ALDH3B2: variants seen among roughly 807,000 people sequenced by gnomAD.
ALDH3B2 encodes aldehyde dehydrogenase 3 family member B2.
A neutral mutation model predicts 36.7 loss-of-function variants in ALDH3B2; 45 were observed. The observed-to-expected ratio is 1.23, with a 90% CI of 0.97 to 1.57. The LOEUF is 1.57. ALDH3B2 is among the 40% of genes most tolerant of loss of function. The probability of loss-of-function intolerance (pLI) is 0.00; values close to 1 mark genes in which losing one functional copy is unlikely to be tolerated. For missense variants in ALDH3B2, 464 were observed against 513.3 expected (o/e 0.90, Z 0.93); for synonymous variants, 217 against 226.5 (o/e 0.96, Z 0.38).
At position 67,664,395 on chromosome 11, in the gene ALDH3B2, C is replaced by T. The variant is rs776299637; in HGVS notation, c.873+1G>A. 9.9e-6 allele frequency: 16 copies of T among 1,614,112 alleles called. No homozygotes were observed. The highest frequency in any genetic ancestry group is 1.7e-5 in the Admixed American group (1 of 60,030). ...TGCCCCCAACCCGGCCGCACCCCCA[C>T]CTGGCTGCTGTTGGAGAAGGCGTAC... On this transcript the variant is annotated splice_donor_variant, in intron 8 of 9. Transcript: ENST00000349015. LOFTEE classifies it high-confidence loss of function.
chr11:67,666,840 G>A, intron 3 of ALDH3B2, 66 bp downstream of exon 3: 3 of 1,612,498 alleles, frequency 1.9e-6, no homozygotes, highest in Non-Finnish European at 1.7e-6. Context: ...AGGGGCAGAA[G>A]GGGGCCTGGG....
intron 1 of ALDH3B2, among the ~76,000 whole-genome samples, chr11:67,672,240 C>T (rs372987946): frequency 9.3e-5 from 14 of 149,888 alleles, no homozygotes; most frequent in Admixed American, 6.7e-4. Flanking sequence ...CTCCATCTCC[C>T]GGATTCAAGC....
At chr11:67,677,316 TGTG>T (rs1294005436), upstream of ALDH3B2, among the ~76,000 whole-genome samples, 7 of 152,158 alleles carry the variant, frequency 4.6e-5, no homozygotes, top group Non-Finnish European at 2.9e-5. Context: ...GGTCAATAAA[TGTG>T]ATGCATCACA....
At chr11:67,667,660 G>T (rs1475364914) in intron 1 of ALDH3B2, 25 bp from the exon 2 acceptor site, 2 of 331,790 alleles carry the variant, frequency 6.0e-6, no homozygotes, top group Non-Finnish European at 1.0e-5. Flanking sequence ...GGCTTGAACT[G>T]GGTGGCCAGG....
chr11:67,665,317 C>T (rs1214390942), exon 7 of ALDH3B2: 17 of 1,611,030 alleles, frequency 1.1e-5, no homozygotes, highest in Non-Finnish European at 1.4e-5. Context: ...GCTCTGGCCC[C>T]CAATGGCCAC....
chr11:67,679,103 G>C (rs1017374367), upstream of ALDH3B2, among the ~76,000 whole-genome samples: 1 of 152,022 alleles, frequency 6.6e-6, no homozygotes, highest in Non-Finnish European at 1.5e-5. Flanking sequence ...GCTGCACCAG[G>C]ATCTCACAAA....
At chr11:67,674,279 A>G (rs4646818) in intron 1 of ALDH3B2, among the ~76,000 whole-genome samples, 157 bp downstream of exon 1, 15,067 of 152,128 alleles carry the variant, frequency 0.099, 806 homozygotes, top group African/African-American at 0.12. Context: ...CAAGCCCCGT[A>G]CCCATGGCCC....
At chr11:67,678,562 A>G (rs1347735802), upstream of ALDH3B2, among the ~76,000 whole-genome samples, 1 of 151,974 alleles carries the variant, frequency 6.6e-6, no homozygotes, top group Non-Finnish European at 1.5e-5. Context: ...TGGCTTAGGC[A>G]AGGATTTCAT....
chr11:67,666,621 T>G (rs780579312), exon 4 of ALDH3B2: 1 of 1,613,552 alleles, frequency 6.2e-7, no homozygotes, highest in African/African-American at 1.3e-5. Context: ...GTTCAGTGGG[T>G]AGTTCCAGGG....
At chr11:67,663,200 AGGCG>A in exon 10 of ALDH3B2, 1 of 1,590,664 alleles carries the variant, frequency 6.3e-7, no homozygotes, top group Non-Finnish European at 8.6e-7. Flanking sequence ...GACCCGTTGG[AGGCG>A]GGTGGGACGC....
upstream of ALDH3B2, among the ~76,000 whole-genome samples, chr11:67,678,803 A>C: frequency 3.0e-5 from 1 of 32,968 alleles, no homozygotes; most frequent in Non-Finnish European, 7.1e-5. Context: ...ATATATATAC[A>C]CTAATGGTAT....
At chr11:67,675,565 T>C (rs372368050), upstream of ALDH3B2, among the ~76,000 whole-genome samples, 3 of 152,260 alleles carry the variant, frequency 2.0e-5, no homozygotes, top group South Asian at 6.2e-4. Context: ...TGCAGCCCTG[T>C]GGGCAGGAGG....
intron 1 of ALDH3B2, among the ~76,000 whole-genome samples, chr11:67,671,521 T>C (rs1018975327): frequency 1.4e-4 from 20 of 147,448 alleles, no homozygotes; most frequent in African/African-American, 5.0e-4. Flanking sequence ...AGCTGGAAAC[T>C]GATCAGGGCC....
At chr11:67,665,472 G>C (rs533187490) in exon 7 of ALDH3B2, 1 of 1,614,098 alleles carries the variant, frequency 6.2e-7, no homozygotes, top group Non-Finnish European at 8.5e-7. Context: ...CCTGCATCTC[G>C]GGGCTGCACA....
At chr11:67,673,937 T>C (rs1856203386) in intron 1 of ALDH3B2, 2 of 152,234 alleles carry the variant, frequency 1.3e-5, no homozygotes, top group Admixed American at 1.3e-4. Flanking sequence ...GAATGTAGTA[T>C]TTCTAGAACC....
exon 6 of ALDH3B2, chr11:67,666,142 A>G (rs749914609): frequency 1.9e-6 from 3 of 1,614,028 alleles, no homozygotes. Flanking sequence ...GATGTAGTCC[A>G]ACTTGTGCTC....
At chr11:67,663,258 A>C (rs375308570) in exon 10 of ALDH3B2, 58 of 1,613,654 alleles carry the variant, frequency 3.6e-5, no homozygotes, top group Admixed American at 6.7e-5. Context: ...CCAGCGTAAC[A>C]GCTGCTGGTT....
intron 9 of ALDH3B2, 90 bp from the exon 10 acceptor site, chr11:67,663,489 G>T: frequency 1.3e-6 from 2 of 1,496,188 alleles, no homozygotes; most frequent in Non-Finnish European, 1.8e-6. Flanking sequence ...CACACAGCTG[G>T]CAGGGAGCTC....
chr11:67,666,502 C>T, intron 4 of ALDH3B2, 72 bp downstream of exon 4: 2 of 1,607,228 alleles, frequency 1.2e-6, no homozygotes. Context: ...TACCTCAGAG[C>T]AAGATTCCAG....
Sources: allele counts gnomAD v4.1 joint callset (sites outside exome capture counted in the v4.1 genomes callset), GRCh38; gene constraint gnomAD v4.1.1; transcripts MANE v1.5; gene names NCBI Gene and HGNC (gene_info 2026-07-23, HGNC 2026-07-21).